The following PCDH11X variants were observed in gnomAD, a reference collection of about 807,000 sequenced individuals.
PCDH11X encodes protocadherin-11 X-linked.
PCDH11X carries 18 observed loss-of-function variants against 53.3 expected under a neutral mutation model. The ratio of observed to expected loss-of-function variants is 0.34; its 90% CI spans 0.23 to 0.50. The LOEUF (loss-of-function observed/expected upper bound fraction) is 0.50. Ranked by LOEUF, PCDH11X falls within the 20% of genes least tolerant of loss-of-function variation. The probability of loss-of-function intolerance (pLI) is 0.98; values close to 1 mark genes in which losing one functional copy is unlikely to be tolerated. For missense variants in PCDH11X, 570 were observed against 1,032.4 expected, an observed-to-expected ratio of 0.55 and a Z score of 6.14; for synonymous variants, 279 against 393.3, an observed-to-expected ratio of 0.71 and a Z score of 3.44.
chrX:92,087,222 G>A (rs934874433), intron 6 of PCDH11X, among the ~76,000 whole-genome samples: 2 of 109,786 alleles, frequency 1.8e-5, no homozygotes, highest in African/African-American at 6.6e-5. Context: ...AGCCTCCTGA[G>A]TAGCTGGGAT....
At chrX:92,043,282 T>A (rs2063238179) in intron 6 of PCDH11X, among the ~76,000 whole-genome samples, 1 of 109,813 alleles carries the variant, frequency 9.1e-6, no homozygotes, top group African/African-American at 3.3e-5. Flanking sequence ...CAATTAGTGA[T>A]CTTAGCTTTA....
chrX:92,300,367 T>A (rs1279216979), intron 8 of PCDH11X, among the ~76,000 whole-genome samples: 3 of 111,649 alleles, frequency 2.7e-5, no homozygotes, highest in Non-Finnish European at 5.6e-5. Flanking sequence ...GCTTTTTGAG[T>A]TGCCAGAGTG....
chrX:92,218,384 A>G lies in PCDH11X; in HGVS notation c.3114+16929A>G, dbSNP rs191229848. 1.6e-4 allele frequency among the ~76,000 whole-genome samples: 18 copies of G among 111,747 alleles called. No homozygotes were observed. In the East Asian group the frequency reaches 4.5e-3, roughly 28 times the overall value. On this transcript the variant is annotated intron_variant, in intron 7 of 10. Coordinates refer to ENST00000682573, the MANE Select transcript of PCDH11X (RefSeq NM_032968.5). ...GGGGATATCACCACCGATCCCACAG[A>G]AATCCAAACTACCATCAGAGAATAC...
chrX:91,917,569 C>CAAAAAAA (rs59199030), intron 6 of PCDH11X, among the ~76,000 whole-genome samples: 18 of 15,889 alleles, frequency 1.1e-3, no homozygotes, highest in African/African-American at 4.1e-3. Flanking sequence ...ACAGCAGCTG[C>CAAAAAAA]AAAAAAAAAA....
intron 8 of PCDH11X, among the ~76,000 whole-genome samples, chrX:92,277,785 G>A (rs1271216926): frequency 1.8e-5 from 2 of 110,629 alleles, no homozygotes; most frequent in African/African-American, 6.6e-5. Flanking sequence ...AGTGGGACTT[G>A]CCACTAACAG....
chrX:91,872,143 C>T (rs1939354229), intron 5 of PCDH11X, among the ~76,000 whole-genome samples: 1 of 110,198 alleles, frequency 9.1e-6, no homozygotes, highest in South Asian at 3.9e-4. Flanking sequence ...CAATAATGCA[C>T]TGGCTACATA....
At chrX:92,094,961 A>C (rs1236974986) in intron 6 of PCDH11X, among the ~76,000 whole-genome samples, 3 of 111,728 alleles carry the variant, frequency 2.7e-5, no homozygotes, top group Non-Finnish European at 5.6e-5. Flanking sequence ...CATCAAAGAT[A>C]TATCCAAGAA....
At chrX:92,260,389 G>A (rs940567701) in intron 7 of PCDH11X, among the ~76,000 whole-genome samples, 3 of 110,451 alleles carry the variant, frequency 2.7e-5, no homozygotes, top group Non-Finnish European at 5.7e-5. Context: ...CACTGAGTTC[G>A]GTGCCTCACA....
intron 10 of PCDH11X, among the ~76,000 whole-genome samples, chrX:92,583,038 T>C (rs1923893549): frequency 9.1e-6 from 1 of 109,966 alleles, no homozygotes. Flanking sequence ...CAAACTTCCT[T>C]CTGATTTTAC....
intron 6 of PCDH11X, among the ~76,000 whole-genome samples, chrX:92,065,607 T>C (rs2063596450): frequency 8.9e-6 from 1 of 112,000 alleles, no homozygotes; most frequent in Admixed American, 9.5e-5. Flanking sequence ...TCTCTGAGGA[T>C]CAATGATGTT....
chrX:92,256,307 A>G (rs1309806862), intron 7 of PCDH11X, among the ~76,000 whole-genome samples: 2 of 111,220 alleles, frequency 1.8e-5, no homozygotes, highest in African/African-American at 3.3e-5. Flanking sequence ...CAGCTCGCGC[A>G]CGGTGTGCAC....
At chrX:92,247,114 A>C (rs2148392682) in intron 7 of PCDH11X, among the ~76,000 whole-genome samples, 1 of 111,977 alleles carries the variant, frequency 8.9e-6, no homozygotes, top group East Asian at 2.8e-4. Context: ...TTAAACTCTG[A>C]GTTCCTCTAG....
intron 1 of PCDH11X, among the ~76,000 whole-genome samples, chrX:91,781,603 C>T (rs1409071292): frequency 8.9e-6 from 1 of 112,034 alleles, no homozygotes; most frequent in Non-Finnish European, 1.9e-5. Context: ...TCTCGCAATC[C>T]CAGCAGGAAA....
At chrX:92,423,638 C>A (rs1413333142) in intron 9 of PCDH11X, among the ~76,000 whole-genome samples, 2 of 93,267 alleles carry the variant, frequency 2.1e-5, no homozygotes, top group Non-Finnish European at 4.7e-5. Context: ...AGATTTAAGT[C>A]CTTGTTGCAT....
chrX:92,064,461 C>T (rs1406320447), intron 6 of PCDH11X, among the ~76,000 whole-genome samples: 3 of 103,227 alleles, frequency 2.9e-5, no homozygotes, highest in Non-Finnish European at 3.9e-5. Flanking sequence ...AGGTATGGAA[C>T]ATTTCTATCA....
chrX:92,597,657 T>C (rs1925779930), intron 10 of PCDH11X, among the ~76,000 whole-genome samples: 1 of 111,661 alleles, frequency 9.0e-6, no homozygotes, highest in Non-Finnish European at 1.9e-5. Flanking sequence ...TGGCATTCTT[T>C]ATAGCAATAG....
intron 10 of PCDH11X, among the ~76,000 whole-genome samples, chrX:92,523,741 G>C (rs1445741301): frequency 9.0e-6 from 1 of 111,690 alleles, no homozygotes; most frequent in Non-Finnish European, 1.9e-5. Context: ...TTGCAGCAGT[G>C]AATCAGTATG....
In PCDH11X at chrX:92,348,511, C is replaced by CATTTTT. The variant is rs768476589; in HGVS notation, c.3145-39221_3145-39220insTTTATT. Among the ~76,000 whole-genome samples, 281 of 93,573 alleles carry CATTTTT rather than the reference C, an allele frequency of 3.0e-3. 3 individuals carry two copies. The highest frequency in any genetic ancestry group is 0.01 in the African/African-American group (268 of 26,598). 81.3% of individuals were successfully genotyped at this position (93,573 alleles called of 115,157 possible). On this transcript the variant is annotated intron_variant, in intron 8 of 10. Coordinates refer to ENST00000682573, the MANE Select transcript of PCDH11X (RefSeq NM_032968.5). ...CAGAGAAATCAAACATCAAAATTATCATTATTATTATTATTATTATTATTA... is the reference window on the plus strand; with the variant it reads ...CAGAGAAATCAAACATCAAAATTATCATTTTTATTATTATTATTATTATTATTATTA...
intron 6 of PCDH11X, among the ~76,000 whole-genome samples, chrX:92,014,261 G>A (rs781734943): frequency 3.6e-5 from 4 of 111,993 alleles, no homozygotes; most frequent in East Asian, 2.8e-4. Context: ...AGACATTTAT[G>A]CAGCCAACAG....
Sources: allele counts gnomAD v4.1 joint callset (sites outside exome capture counted in the v4.1 genomes callset), GRCh38; gene constraint gnomAD v4.1.1; transcripts MANE v1.5; gene names NCBI Gene and HGNC (gene_info 2026-07-23, HGNC 2026-07-21).